CCDC88C: variants seen among roughly 807,000 people sequenced by gnomAD.
The protein encoded by CCDC88C is protein Daple.
In CCDC88C, 131 loss-of-function variants were observed where a neutral mutation model predicts 198.8. The observed-to-expected ratio is 0.66, with a 90% CI of 0.57 to 0.76. The LOEUF (loss-of-function observed/expected upper bound fraction) is 0.76, where lower values mean the gene tolerates loss of function less well. Ranked by LOEUF, CCDC88C falls within the 30% of genes least tolerant of loss-of-function variation. The pLI, the probability that CCDC88C is intolerant of heterozygous loss-of-function variation, is 0.00. For missense variants in CCDC88C, 2,553 were observed against 2,631.6 expected (o/e 0.97, Z 0.65); for synonymous variants, 1,166 against 1,114.7 (o/e 1.05, Z -0.92).
chr14:91,359,021 A>AT (rs1338850957), intron 4 of CCDC88C, among the ~76,000 whole-genome samples: 1 of 152,172 alleles, frequency 6.6e-6, no homozygotes, highest in African/African-American at 2.4e-5. Context: ...GTGTCAGCTG[A>AT]TTCCACACTT....
At chr14:91,355,565 G>A (rs997051351) in intron 4 of CCDC88C, among the ~76,000 whole-genome samples, 4 of 152,308 alleles carry the variant, frequency 2.6e-5, no homozygotes, top group Admixed American at 6.5e-5. Context: ...ATCCAGAGAC[G>A]GTCCCAGGGC....
At chr14:91,307,718 G>A (rs1194722334) in intron 17 of CCDC88C, among the ~76,000 whole-genome samples, 2 of 152,212 alleles carry the variant, frequency 1.3e-5, no homozygotes, top group African/African-American at 4.8e-5. Context: ...TCACCTGTGA[G>A]AGTGTGCACA....
chr14:91,278,503 AG>A (rs1303693340), intron 28 of CCDC88C, among the ~76,000 whole-genome samples: 2 of 152,270 alleles, frequency 1.3e-5, no homozygotes, highest in African/African-American at 4.8e-5. Context: ...ACGTATTCAA[AG>A]CTTATTCAGC....
intron 21 of CCDC88C, 123 bp from the exon 22 acceptor site, chr14:91,297,614 C>A: frequency 2.1e-6 from 2 of 958,634 alleles, no homozygotes; most frequent in South Asian, 1.7e-5. Flanking sequence ...GACAAAATCA[C>A]AACCTCTCTG....
At chr14:91,408,615 T>A (rs767479624) in intron 3 of CCDC88C, 44 bp downstream of exon 3, 1 of 1,236,850 alleles carries the variant, frequency 8.1e-7, no homozygotes, top group Non-Finnish European at 1.2e-6. Flanking sequence ...GTGACGATAC[T>A]GATGGACACA....
chr14:91,402,717 G>C (rs1275271808), intron 3 of CCDC88C, among the ~76,000 whole-genome samples: 1 of 152,106 alleles, frequency 6.6e-6, no homozygotes, highest in Non-Finnish European at 1.5e-5. Context: ...AAAAGGAAAA[G>C]GTCTCAAGCA....
chr14:91,290,627 A>G (rs949320039), intron 24 of CCDC88C, among the ~76,000 whole-genome samples: 6 of 152,356 alleles, frequency 3.9e-5, no homozygotes, highest in Admixed American at 3.9e-4. Context: ...GTGCTGCCCA[A>G]GCATCCTCTC....
At position 91,381,525 on chromosome 14, in the gene CCDC88C, T is replaced by C. The variant is rs571456476; in HGVS notation, c.271-21814A>G. The stretch of plus-strand genomic sequence containing the variant: ...GTGGCCCCTGCAGGGGACTGCAGAC[T>C]GTCTTCCATTCAAGCCGGGCCTTTT... On this transcript the variant is annotated intron_variant, in intron 3 of 29. Coordinates refer to ENST00000389857, the MANE Select transcript of CCDC88C (RefSeq NM_001080414.4). The surrounding 1 kb of genome is among the most constrained non-coding windows in gnomAD (Gnocchi z 4.2). Among the ~76,000 whole-genome samples the C allele has an allele frequency of 6.6e-6, 1 of 152,350 alleles. No individual in the cohort carries two copies. The highest frequency in any genetic ancestry group is 6.5e-5 in the Admixed American group (1 of 15,304).
rs1480305936 is a variant in CCDC88C at position 91,338,839 on chromosome 14, C to T, written c.810-269G>A. The T allele has an allele frequency of 9.8e-6, 5 of 509,098 alleles. No homozygotes were observed. Among genetic ancestry groups the T allele is most frequent in the South Asian group, 4.4e-5 (2 of 45,648 alleles). 31.5% of individuals were successfully genotyped at this position (509,098 alleles called of 1,614,324 possible). ...TGTGGGGCAGGTAAGGAGACCCCAGCGGCAGCTGTACCACCCCACAGCCAG... is the reference window on the plus strand; with the variant it reads ...TGTGGGGCAGGTAAGGAGACCCCAGTGGCAGCTGTACCACCCCACAGCCAG... On this transcript the variant is annotated intron_variant, in intron 8 of 29. Transcript: ENST00000389857. The surrounding 1 kb of genome is among the most constrained non-coding windows in gnomAD (Gnocchi z 4.8).
chr14:91,297,522 G>A, intron 21 of CCDC88C, 31 bp from the exon 22 acceptor site: 1 of 1,547,554 alleles, frequency 6.5e-7, no homozygotes, highest in Non-Finnish European at 8.7e-7. Flanking sequence ...GGGCAAAGGA[G>A]CTGAAGAGCC....
At chr14:91,360,252 TCACACACA>T (rs57026211) in intron 3 of CCDC88C, among the ~76,000 whole-genome samples, 10,209 of 144,182 alleles carry the variant, frequency 0.071, 408 homozygotes, top group Middle Eastern at 0.15. Context: ...GACCCCATCT[TCACACACA>T]CACACACACA....
At chr14:91,279,058 C>T (rs774806113) in intron 28 of CCDC88C, among the ~76,000 whole-genome samples, 180 bp downstream of exon 28, 4 of 151,930 alleles carry the variant, frequency 2.6e-5, no homozygotes, top group African/African-American at 4.8e-5. Context: ...TGCGCCACCA[C>T]GCCTAGCTAA....
chr14:91,339,786 A>G lies in CCDC88C; in HGVS notation c.624+98T>C. ...GTCCCACCCCCACCAGAACCTCAGCAGCAGGACCGAGGCGTCTAGGCTGAA... is the reference window on the plus strand; with the variant it reads ...GTCCCACCCCCACCAGAACCTCAGCGGCAGGACCGAGGCGTCTAGGCTGAA... On this transcript the variant is annotated intron_variant, in intron 7 of 29. Transcript: ENST00000389857. This position sits in a 1 kb window ranked among gnomAD's most constrained non-coding sequence, Gnocchi z 5.8. 7.3e-7 allele frequency: 1 copy of G among 1,361,684 alleles called. No homozygotes were observed. The highest frequency in any genetic ancestry group is 9.7e-7 in the Non-Finnish European group (1 of 1,026,096). 84.4% of individuals were successfully genotyped at this position (1,361,684 alleles called of 1,614,324 possible).
At chr14:91,294,946 C>T (rs28708866) in intron 22 of CCDC88C, among the ~76,000 whole-genome samples, 1,689 of 152,338 alleles carry the variant, frequency 0.011, 26 homozygotes, top group African/African-American at 0.038. Flanking sequence ...GCGTGAACCA[C>T]CGCGCCTGGC....
At chr14:91,285,712 A>G (rs1435486621) in intron 25 of CCDC88C, 1 of 1,288,876 alleles carries the variant, frequency 7.8e-7, no homozygotes, top group Non-Finnish European at 1.0e-6. Flanking sequence ...GCTCGTTAGG[A>G]GAGGATGGGA....
rs147396502 is a variant in CCDC88C, at chr14:91,301,059, C to T, written c.3636-989G>A. On this transcript the variant is annotated intron_variant, in intron 20 of 29. Transcript: ENST00000389857. ...TTGTTGGAAAAGCACATTAATCAAGCATGTCTCTAACCATTAGCAATGACC... is the reference window on the plus strand; with the variant it reads ...TTGTTGGAAAAGCACATTAATCAAGTATGTCTCTAACCATTAGCAATGACC... 1.6e-3 allele frequency among the ~76,000 whole-genome samples: 242 copies of T among 152,344 alleles called. 1 individual carries two copies. The highest frequency in any genetic ancestry group is 7.5e-3 in the South Asian group (36 of 4,822).
At chr14:91,312,590 C>T (rs1284098924) in intron 15 of CCDC88C, among the ~76,000 whole-genome samples, 1 of 152,128 alleles carries the variant, frequency 6.6e-6, no homozygotes, top group Non-Finnish European at 1.5e-5. Flanking sequence ...GATGCTGAGG[C>T]ACAAGAATCG....
chr14:91,336,489 G>A (rs1893048066), intron 10 of CCDC88C, among the ~76,000 whole-genome samples: 1 of 152,214 alleles, frequency 6.6e-6, no homozygotes, highest in African/African-American at 2.4e-5. Flanking sequence ...GTTTGTGCAT[G>A]ACAGTCCCCA....
chr14:91,321,714 C>G (rs1258944053), intron 12 of CCDC88C, among the ~76,000 whole-genome samples: 7 of 152,294 alleles, frequency 4.6e-5, no homozygotes, highest in Non-Finnish European at 1.5e-5. Context: ...GCTCAGCAGG[C>G]AGGGGCACGT....
Sources: gnomAD v4.1 joint callset for allele counts (sites outside exome capture counted in the v4.1 genomes callset) on GRCh38, gnomAD v4.1.1 for gene constraint, Gnocchi (gnomAD v3.1) non-coding constraint, MANE v1.5 for transcripts, NCBI Gene and HGNC (gene_info 2026-07-23, HGNC 2026-07-21) for gene names.